Variants in STK32B observed in about 807,000 individuals in gnomAD.
STK32B encodes serine/threonine kinase 32B.
Under a neutral mutation model 52.6 loss-of-function variants are expected in STK32B, and 43 were observed. The observed-to-expected ratio is 0.82, with a 90% CI of 0.64 to 1.05. The LOEUF is 1.05. Among genes scored for constraint, STK32B ranks in the 50% least tolerant of loss-of-function variants. The pLI is 0.00. For synonymous variants in STK32B, 238 were observed against 204.3 expected (o/e 1.17, Z -1.41); for missense variants, 621 against 534.6 (o/e 1.16, Z -1.59).
At chr4:5,494,438 C>T (rs1720031188) in intron 11 of STK32B, among the ~76,000 whole-genome samples, 1 of 151,746 alleles carries the variant, frequency 6.6e-6, no homozygotes, top group Non-Finnish European at 1.5e-5. Flanking sequence ...GTAGATTTTC[C>T]TCCATCCCTT....
At chr4:5,033,735 A>G in the STK32B span, among the ~76,000 whole-genome samples, 4 of 152,098 alleles carry the variant, frequency 2.6e-5, no homozygotes, top group African/African-American at 9.7e-5. Flanking sequence ...GCCCTGGGAG[A>G]TGAGAAGAAA....
chr4:5,446,729 G>A lies in STK32B; in HGVS notation c.619G>A (p.Asp207Asn), dbSNP rs750813196. ...DRGPGYSYPV[D>N]WWSLGITAYE... The stretch of plus-strand genomic sequence containing the variant: ...AGGCCCCGGATACTCGTACCCTGTC[G>A]ACTGGTGGTCCCTGGGCATCACAGC... The change falls in exon 7 of 12, where the codon GAC becomes AAC. Residue 207 changes from aspartate (D) to asparagine (N), a missense_variant. By Grantham distance (23) the Asp-to-Asn change is conservative. Coordinates refer to ENST00000282908, the MANE Select transcript of STK32B (RefSeq NM_018401.3). 13 of 1,613,928 alleles carry A rather than the reference G, an allele frequency of 8.1e-6. No individual in the cohort carries two copies. The highest frequency in any genetic ancestry group is 1.1e-5 in the Non-Finnish European group (13 of 1,180,018).
chr4:5,210,692 G>A (rs1722853593), intron 3 of STK32B, among the ~76,000 whole-genome samples: 1 of 152,072 alleles, frequency 6.6e-6, no homozygotes, highest in Admixed American at 6.6e-5. Context: ...ACAGATAAAT[G>A]GGCATTTAAT....
chr4:5,483,427 G>C (rs1718886736), intron 11 of STK32B, among the ~76,000 whole-genome samples: 1 of 151,968 alleles, frequency 6.6e-6, no homozygotes, highest in South Asian at 2.1e-4. Flanking sequence ...TGGGATCGGT[G>C]GTGATATCCC....
chr4:5,457,457 C>T (rs1452380143), intron 8 of STK32B, among the ~76,000 whole-genome samples: 6 of 151,146 alleles, frequency 4.0e-5, no homozygotes, highest in South Asian at 2.1e-4. Flanking sequence ...CCTTGTGATC[C>T]GCCAGCCTCG....
intron 3 of STK32B, among the ~76,000 whole-genome samples, chr4:5,321,834 G>A (rs1731512322): frequency 6.6e-6 from 1 of 152,088 alleles, no homozygotes; most frequent in South Asian, 2.1e-4. Context: ...TGGAGGTGCT[G>A]GATGGCTTTG....
chr4:5,200,152 A>G (rs991149910), intron 3 of STK32B, among the ~76,000 whole-genome samples: 1 of 152,076 alleles, frequency 6.6e-6, no homozygotes, highest in African/African-American at 2.4e-5. Flanking sequence ...TACACTCAAA[A>G]TGTGTGTTAT....
At chr4:5,397,462 T>C (rs1736992787) in intron 4 of STK32B, among the ~76,000 whole-genome samples, 1 of 152,118 alleles carries the variant, frequency 6.6e-6, no homozygotes, top group Non-Finnish European at 1.5e-5. Flanking sequence ...TTGAGAGGCC[T>C]TTTGCTATAA....
intron 3 of STK32B, among the ~76,000 whole-genome samples, chr4:5,175,900 G>A (rs1192943016): frequency 6.6e-6 from 1 of 152,254 alleles, no homozygotes; most frequent in Admixed American, 6.5e-5. Context: ...GCCCCCAGAG[G>A]TGGAGCCTAC....
intron 3 of STK32B, among the ~76,000 whole-genome samples, chr4:5,265,472 A>C (rs1352840742): frequency 6.6e-6 from 1 of 152,174 alleles, no homozygotes; most frequent in East Asian, 1.9e-4. Context: ...GCCGCCATCC[A>C]TCCACCTCCA....
chr4:5,248,826 CAA>C (rs1279153900), intron 3 of STK32B, among the ~76,000 whole-genome samples: 1 of 150,634 alleles, frequency 6.6e-6, no homozygotes, highest in Admixed American at 6.7e-5. Flanking sequence ...ATCGTGAGGA[CAA>C]AAAACCAAAC....
At chr4:5,405,974 A>T (rs1356546350) in intron 5 of STK32B, among the ~76,000 whole-genome samples, 3 of 152,188 alleles carry the variant, frequency 2.0e-5, no homozygotes, top group Admixed American at 2.0e-4. Flanking sequence ...GCATTAACTC[A>T]AAAGTCCAAA....
At chr4:5,483,541 C>T (rs1454810675) in intron 11 of STK32B, among the ~76,000 whole-genome samples, 3 of 152,118 alleles carry the variant, frequency 2.0e-5, no homozygotes, top group Non-Finnish European at 2.9e-5. Flanking sequence ...AAAACCAGCT[C>T]CTGGATTCAT....
At chr4:5,240,080 C>T (rs1225911307) in intron 3 of STK32B, among the ~76,000 whole-genome samples, 1 of 151,462 alleles carries the variant, frequency 6.6e-6, no homozygotes, top group Admixed American at 6.6e-5. Context: ...CTCTGTCTCT[C>T]TCTCTCTCAT....
chr4:5,371,578 C>T (rs940211332), intron 4 of STK32B, among the ~76,000 whole-genome samples: 1 of 152,140 alleles, frequency 6.6e-6, no homozygotes, highest in Non-Finnish European at 1.5e-5. Context: ...CAACACCAGG[C>T]CCAGCCGGCT....
At chr4:5,406,651 A>T (rs984578908) in intron 5 of STK32B, among the ~76,000 whole-genome samples, 1 of 152,098 alleles carries the variant, frequency 6.6e-6, no homozygotes, top group Non-Finnish European at 1.5e-5. Context: ...TATGGCTTGC[A>T]CCCTTTGGAG....
chr4:5,145,688 A>G (rs115429518), intron 2 of STK32B, among the ~76,000 whole-genome samples: 1,613 of 152,200 alleles, frequency 0.011, 25 homozygotes, highest in African/African-American at 0.036. Context: ...ATTTTTTGCT[A>G]TTGTTTAAAA....
At chr4:5,047,473 AAAAAT>A (rs1272561145), upstream of STK32B, among the ~76,000 whole-genome samples, 52 of 152,036 alleles carry the variant, frequency 3.4e-4, no homozygotes, top group African/African-American at 1.1e-3. Context: ...AAATAAAAAT[AAAAAT>A]AAAATAAAAG....
chr4:5,286,026 A>G (rs954461842), intron 3 of STK32B, among the ~76,000 whole-genome samples: 1 of 152,104 alleles, frequency 6.6e-6, no homozygotes, highest in African/African-American at 2.4e-5. Flanking sequence ...AGGGAGGATC[A>G]TTATGTGGTG....
Sources: gnomAD v4.1 joint callset for allele counts (sites outside exome capture counted in the v4.1 genomes callset) on GRCh38, gnomAD v4.1.1 for gene constraint, MANE v1.5 for transcripts, NCBI Gene and HGNC (gene_info 2026-07-23, HGNC 2026-07-21) for gene names.